PFDN1: variants seen among roughly 807,000 people sequenced by gnomAD.
The protein encoded by PFDN1 is prefoldin 1.
A neutral mutation model predicts 17.3 loss-of-function variants in PFDN1; 6 were observed. The observed-to-expected ratio is 0.35, with a 90% CI of 0.19 to 0.69. The LOEUF (loss-of-function observed/expected upper bound fraction) is 0.69. Ranked by LOEUF, PFDN1 falls within the 30% of genes least tolerant of loss-of-function variation. The pLI, the probability that PFDN1 is intolerant of heterozygous loss-of-function variation, is 0.65. For synonymous variants in PFDN1, 58 were observed against 50.1 expected, an observed-to-expected ratio of 1.16 and a Z score of -0.67; for missense variants, 113 against 146.2, an observed-to-expected ratio of 0.77 and a Z score of 1.17.
At chr5:140,288,684 A>G (rs1285460510) in intron 2 of PFDN1, among the ~76,000 whole-genome samples, 1 of 152,200 alleles carries the variant, frequency 6.6e-6, no homozygotes, top group East Asian at 1.9e-4. Context: ...TAAAACTACT[A>G]TAAAAAAATA....
intron 3 of PFDN1, chr5:140,265,611 G>T (rs573991890): frequency 6.6e-6 from 1 of 151,918 alleles, no homozygotes; most frequent in East Asian, 1.9e-4. Flanking sequence ...AATTAGTTTT[G>T]GGGGAAAAAA....
intron 3 of PFDN1, among the ~76,000 whole-genome samples, chr5:140,276,846 C>G (rs1328361118): frequency 7.7e-6 from 1 of 129,810 alleles, no homozygotes; most frequent in Non-Finnish European, 1.6e-5. Flanking sequence ...TACAGTATAA[C>G]AGAAGGCAGA....
chr5:140,290,550 A>G (rs1765564691), intron 2 of PFDN1, among the ~76,000 whole-genome samples: 1 of 152,230 alleles, frequency 6.6e-6, no homozygotes, highest in South Asian at 2.1e-4. Context: ...GTGAAAGTAC[A>G]TACTATAATG....
At chr5:140,261,749 C>T (rs1466098466) in intron 3 of PFDN1, among the ~76,000 whole-genome samples, 1 of 152,004 alleles carries the variant, frequency 6.6e-6, no homozygotes, top group East Asian at 1.9e-4. Context: ...GTCAATATCA[C>T]CCAAGAAAAT....
chr5:140,301,890 G>A (rs1250630067), intron 1 of PFDN1, among the ~76,000 whole-genome samples: 1 of 152,152 alleles, frequency 6.6e-6, no homozygotes, highest in Non-Finnish European at 1.5e-5. Flanking sequence ...GCTTGCTAAG[G>A]AAGCTAGTAT....
At chr5:140,285,476 T>C (rs1002034167) in intron 2 of PFDN1, among the ~76,000 whole-genome samples, 13 of 152,156 alleles carry the variant, frequency 8.5e-5, no homozygotes, top group Non-Finnish European at 1.8e-4. Flanking sequence ...ACTTCTTTTT[T>C]TAAAATTTTT....
chr5:140,272,418 T>C (rs1380641159), intron 3 of PFDN1, among the ~76,000 whole-genome samples: 1 of 148,868 alleles, frequency 6.7e-6, no homozygotes, highest in East Asian at 2.0e-4. Flanking sequence ...TGGAGTGCAG[T>C]GGCATGATCT....
intron 2 of PFDN1, among the ~76,000 whole-genome samples, chr5:140,298,717 A>G (rs13153401): frequency 0.23 from 35,654 of 152,006 alleles, 4,689 homozygotes; most frequent in South Asian, 0.46. Context: ...TTGTCCTCCT[A>G]TTAGAACAAT....
At position 140,245,162 on chromosome 5, in the gene PFDN1, C is replaced by A. The variant is rs1764809002; in HGVS notation, c.*812G>T. 9 of 294,286 alleles carry A rather than the reference C, an allele frequency of 3.1e-5. No individual in the cohort carries two copies. In the South Asian group the frequency reaches 6.1e-4, roughly 20 times the overall value. 18.2% of individuals were successfully genotyped at this position (294,286 alleles called of 1,614,324 possible). A position where few individuals can be genotyped will look rare whatever the true frequency, so the allele number is the denominator to read the frequency against. ...GCTGTGTTTGACAACTGGCTTGCAA[C>A]AAAATTCTTGAAAATTGAATAATTG... is the stretch of plus-strand genomic sequence containing the variant. On this transcript the variant is annotated 3_prime_UTR_variant, in exon 4 of 4. Coordinates refer to ENST00000261813, the MANE Select transcript of PFDN1 (RefSeq NM_002622.5).
At chr5:140,269,241 G>A (rs1765172346) in intron 3 of PFDN1, among the ~76,000 whole-genome samples, 2 of 152,014 alleles carry the variant, frequency 1.3e-5, no homozygotes, top group Admixed American at 1.3e-4. Flanking sequence ...TCGAACTCCA[G>A]GGCTCAAAAG....
At chr5:140,279,546 G>A (rs567366714) in intron 3 of PFDN1, among the ~76,000 whole-genome samples, 12 of 151,438 alleles carry the variant, frequency 7.9e-5, no homozygotes, top group South Asian at 6.3e-4. Context: ...GTTATGTTGC[G>A]CAGGCTGGAA....
At chr5:140,259,512 T>G (rs896743444) in intron 3 of PFDN1, among the ~76,000 whole-genome samples, 1 of 152,202 alleles carries the variant, frequency 6.6e-6, no homozygotes, top group African/African-American at 2.4e-5. Flanking sequence ...GTTAAAACCC[T>G]ACAAGTCTTC....
At chr5:140,274,268 A>C (rs370581900) in intron 3 of PFDN1, among the ~76,000 whole-genome samples, 4 of 152,364 alleles carry the variant, frequency 2.6e-5, no homozygotes, top group South Asian at 2.1e-4. Flanking sequence ...CCAATGTTAT[A>C]CATTATAAAA....
rs1764815067 is a variant in PFDN1 at position 140,245,452 on chromosome 5, C to T, written c.*522G>A. On this transcript the variant is annotated 3_prime_UTR_variant, in exon 4 of 4. Coordinates refer to ENST00000261813, the MANE Select transcript of PFDN1 (RefSeq NM_002622.5). ...TTCTTTCTTCCTCTTCTGTCTACTGCATGCAGGCCCGGAAGCTGAGCGTTA... is the reference window on the plus strand; with the variant it reads ...TTCTTTCTTCCTCTTCTGTCTACTGTATGCAGGCCCGGAAGCTGAGCGTTA... 1 of 702,604 alleles carries T rather than the reference C, an allele frequency of 1.4e-6. No homozygotes were observed. The highest frequency in any genetic ancestry group is 2.6e-6 in the Non-Finnish European group (1 of 384,994). 43.5% of individuals were successfully genotyped at this position (702,604 alleles called of 1,614,324 possible).
intron 3 of PFDN1, among the ~76,000 whole-genome samples, chr5:140,264,884 G>T (rs1022165037): frequency 1.3e-5 from 2 of 152,102 alleles, no homozygotes; most frequent in African/African-American, 4.8e-5. Flanking sequence ...TTTAAAGAGG[G>T]TAGCAATGTG....
chr5:140,248,697 C>A (rs1764867570), intron 3 of PFDN1, among the ~76,000 whole-genome samples: 1 of 152,206 alleles, frequency 6.6e-6, no homozygotes, highest in East Asian at 1.9e-4. Context: ...ACCCAGACTC[C>A]CCAGCCAAAC....
At chr5:140,278,587 A>AC (rs1561508727) in intron 3 of PFDN1, among the ~76,000 whole-genome samples, 6 of 131,820 alleles carry the variant, frequency 4.6e-5, no homozygotes, top group African/African-American at 8.6e-5. Context: ...AAAAAAAAAA[A>AC]CAAAAAACAA....
intron 3 of PFDN1, among the ~76,000 whole-genome samples, chr5:140,252,653 C>A (rs1329952943): frequency 6.6e-6 from 1 of 152,158 alleles, no homozygotes; most frequent in African/African-American, 2.4e-5. Flanking sequence ...TACCAACTGC[C>A]CACAATGGGG....
At chr5:140,300,745 T>C (rs1021116000) in intron 1 of PFDN1, among the ~76,000 whole-genome samples, 163 bp from the exon 2 acceptor site, 4 of 152,206 alleles carry the variant, frequency 2.6e-5, no homozygotes, top group Non-Finnish European at 4.4e-5. Flanking sequence ...CAAGTCACCA[T>C]ACTAAATACT....
Sources: gnomAD v4.1 joint callset for allele counts (sites outside exome capture counted in the v4.1 genomes callset) on GRCh38, gnomAD v4.1.1 for gene constraint, MANE v1.5 for transcripts, NCBI Gene and HGNC (gene_info 2026-07-23, HGNC 2026-07-21) for gene names.